Variants in MMD2 observed in about 807,000 individuals in gnomAD.
The protein encoded by MMD2 is monocyte to macrophage differentiation factor 2.
In MMD2, 30 loss-of-function variants were observed where a neutral mutation model predicts 33.5. The observed-to-expected ratio is 0.90, with a 90% CI of 0.67 to 1.22. The LOEUF (loss-of-function observed/expected upper bound fraction) is 1.22. MMD2 is among the 50% of genes most tolerant of loss of function. MMD2 has a pLI of 0.00. For missense variants in MMD2, 364 were observed against 325.4 expected (o/e 1.12, Z -0.91); for synonymous variants, 129 against 123.0 (o/e 1.05, Z -0.32).
the MMD2 span, among the ~76,000 whole-genome samples, chr7:4,896,201 G>T: frequency 1.3e-5 from 2 of 152,052 alleles, no homozygotes; most frequent in Non-Finnish European, 2.9e-5. Context: ...TAAATAATAG[G>T]CCAGGTGGTG....
At chr7:4,909,130 G>C (rs1008969627) in intron 6 of MMD2, among the ~76,000 whole-genome samples, 1 of 152,042 alleles carries the variant, frequency 6.6e-6, no homozygotes, top group Non-Finnish European at 1.5e-5. Context: ...AAAAAACATG[G>C]TAAGAAAAAA....
chr7:4,928,600 G>A (rs1162047170), intron 1 of MMD2, among the ~76,000 whole-genome samples: 2 of 151,498 alleles, frequency 1.3e-5, no homozygotes, highest in African/African-American at 4.9e-5. Flanking sequence ...AGTTCATGAA[G>A]CATTCATTGA....
chr7:4,930,343 T>G (rs1475783960), intron 1 of MMD2, among the ~76,000 whole-genome samples: 2 of 143,782 alleles, frequency 1.4e-5, no homozygotes, highest in Non-Finnish European at 3.0e-5. Context: ...TAGGGTTCCC[T>G]AAAAAGACAA....
chr7:4,954,791 C>A (rs1179384671), intron 1 of MMD2, among the ~76,000 whole-genome samples: 1 of 152,120 alleles, frequency 6.6e-6, no homozygotes, highest in African/African-American at 2.4e-5. Flanking sequence ...GCCTTCAGAA[C>A]CTTACCCCAA....
At chr7:4,929,875 T>C (rs1377602066) in intron 1 of MMD2, among the ~76,000 whole-genome samples, 4 of 152,116 alleles carry the variant, frequency 2.6e-5, no homozygotes, top group Non-Finnish European at 4.4e-5. Context: ...TGATATGGGT[T>C]GAACCGTGTC....
At chr7:4,957,376 C>T (rs1247445085) in intron 1 of MMD2, among the ~76,000 whole-genome samples, 2 of 150,644 alleles carry the variant, frequency 1.3e-5, no homozygotes, top group South Asian at 2.1e-4. Flanking sequence ...AGGCCGGGGG[C>T]GGTGGGTCAT....
At chr7:4,932,717 G>A (rs1785624936) in intron 1 of MMD2, among the ~76,000 whole-genome samples, 1 of 151,054 alleles carries the variant, frequency 6.6e-6, no homozygotes, top group Admixed American at 6.6e-5. Context: ...CCACCTCTTG[G>A]GTTCAAGTGA....
In MMD2 at chr7:4,907,672, C is replaced by T. The variant is rs932730448; in HGVS notation, c.538-73G>A. ...GTGGCTGAAAGCACCAGCCAGTCCC[C>T]ACCACCCAAAACCAAAAGACATGCA... On this transcript the variant is annotated intron_variant, in intron 6 of 6. Coordinates refer to ENST00000401401, the MANE Select transcript of MMD2 (RefSeq NM_198403.4). The T allele has an allele frequency of 1.4e-5, 21 of 1,518,548 alleles. No individual in the cohort carries two copies. The African/African-American group carries it at 2.7e-4, about 20-fold the overall frequency. 94.1% of individuals were successfully genotyped at this position (1,518,548 alleles called of 1,614,324 possible).
Position 4,947,336 on chromosome 7 carries a change from G to A in MMD2, c.47+11635C>T, listed in dbSNP as rs182272070. On this transcript the variant is annotated intron_variant, in intron 1 of 6. Coordinates refer to ENST00000401401, the MANE Select transcript of MMD2 (RefSeq NM_198403.4). ...TTCCCAATCATGGCAGAAAGCAAAG[G>A]GGGAGCAGGTGTCTTACATGGGAGC... 1.2e-4 allele frequency among the ~76,000 whole-genome samples: 18 copies of A among 152,210 alleles called. No individual in the cohort carries two copies. The East Asian group carries it at 2.7e-3, about 23-fold the overall frequency.
At chr7:4,920,490 G>T (rs1785252448) in intron 2 of MMD2, among the ~76,000 whole-genome samples, 159 bp from the exon 3 acceptor site, 1 of 152,062 alleles carries the variant, frequency 6.6e-6, no homozygotes, top group Admixed American at 6.6e-5. Context: ...TCACTTTAAG[G>T]GATTCAGGTG....
chr7:4,892,585 T>TATAAATAAATAAATAAATAA, the MMD2 span, among the ~76,000 whole-genome samples: 2 of 143,508 alleles, frequency 1.4e-5, no homozygotes, highest in African/African-American at 5.2e-5. Context: ...AAGACTCTGC[T>TATAAATAAATAAATAAATAA]ATAAATAAAT....
intron 3 of MMD2, among the ~76,000 whole-genome samples, chr7:4,919,732 A>C (rs1176940359): frequency 5.9e-5 from 9 of 151,766 alleles, no homozygotes; most frequent in African/African-American, 9.7e-5. Context: ...CCCACCCCCC[A>C]AAAAAATACA....
At chr7:4,896,647 G>C in the MMD2 span, among the ~76,000 whole-genome samples, 2 of 152,012 alleles carry the variant, frequency 1.3e-5, no homozygotes, top group African/African-American at 4.8e-5. Context: ...TTCCTGGCCC[G>C]TGAAAACCAC....
the MMD2 span, among the ~76,000 whole-genome samples, chr7:4,898,048 T>C: frequency 6.6e-6 from 1 of 152,086 alleles, no homozygotes; most frequent in Non-Finnish European, 1.5e-5. Context: ...TATCTCTTTC[T>C]CTTGCCTTCT....
At chr7:4,933,735 C>A (rs1450264206) in intron 1 of MMD2, among the ~76,000 whole-genome samples, 5 of 151,946 alleles carry the variant, frequency 3.3e-5, no homozygotes, top group Non-Finnish European at 5.9e-5. Flanking sequence ...GAGGCCCAAT[C>A]ATTCCTCCTG....
At chr7:4,938,526 C>T (rs1209256711) in intron 1 of MMD2, among the ~76,000 whole-genome samples, 1 of 152,130 alleles carries the variant, frequency 6.6e-6, no homozygotes, top group Non-Finnish European at 1.5e-5. Context: ...TCCTAATCAC[C>T]TCCCAAAGGT....
chr7:4,945,525 C>CA (rs1161312261), intron 1 of MMD2, among the ~76,000 whole-genome samples: 1 of 151,818 alleles, frequency 6.6e-6, no homozygotes, highest in African/African-American at 2.4e-5. Flanking sequence ...CTTGGCCTCT[C>CA]AAAGTGCTGG....
the MMD2 span, among the ~76,000 whole-genome samples, chr7:4,893,452 C>T: frequency 9.9e-5 from 15 of 151,336 alleles, no homozygotes; most frequent in African/African-American, 3.2e-4. Context: ...AGTGCAGTGG[C>T]GCAATCTTGT....
chr7:4,897,116 C>T, the MMD2 span, among the ~76,000 whole-genome samples: 1 of 151,652 alleles, frequency 6.6e-6, no homozygotes, highest in East Asian at 1.9e-4. Context: ...TCCTTAGCAC[C>T]CCCAAAGTGC....
Sources: allele counts gnomAD v4.1 joint callset (sites outside exome capture counted in the v4.1 genomes callset), GRCh38; gene constraint gnomAD v4.1.1; transcripts MANE v1.5; gene names NCBI Gene and HGNC (gene_info 2026-07-23, HGNC 2026-07-21).